Variants in TTBK1 observed in about 807,000 individuals in gnomAD.
TTBK1 encodes the protein tau-tubulin kinase 1.
TTBK1 carries 34 observed loss-of-function variants against 108.5 expected under a neutral mutation model. The observed-to-expected ratio is 0.31, with a 90% CI of 0.24 to 0.42. TTBK1 has a LOEUF of 0.42. Ranked by LOEUF, TTBK1 falls within the 10% of genes least tolerant of loss-of-function variation. The probability of loss-of-function intolerance (pLI) is 1.00; values close to 1 mark genes in which losing one functional copy is unlikely to be tolerated. For synonymous variants in TTBK1, 809 were observed against 795.1 expected (o/e 1.02, Z -0.29); for missense variants, 1,539 against 1,826.0 (o/e 0.84, Z 2.86).
intron 2 of TTBK1, chr6:43,247,933 G>C (rs1408987317): frequency 1.9e-5 from 1 of 51,914 alleles, no homozygotes; most frequent in Non-Finnish European, 3.2e-5. Flanking sequence ...ATGTCCCAGA[G>C]GGGGACTTCC....
Position 43,253,242 on chromosome 6 carries a change from A to G in TTBK1, c.257-49A>G. 2 of 1,600,740 alleles carry G rather than the reference A, an allele frequency of 1.2e-6. No individual in the cohort carries two copies. Among genetic ancestry groups the G allele is most frequent in the Non-Finnish European group, 1.7e-6 (2 of 1,168,060 alleles). On this transcript the variant is annotated intron_variant, in intron 3 of 14. Coordinates refer to ENST00000259750, the MANE Select transcript of TTBK1 (RefSeq NM_032538.3). This position sits in a 1 kb window ranked among gnomAD's most constrained non-coding sequence, Gnocchi z 5.8. ...CTAGGAACCCATCTTAGGGTTGGAAATGAGGAAGAAAGAGTAAGAGCTGGA... is the reference window on the plus strand; with the variant it reads ...CTAGGAACCCATCTTAGGGTTGGAAGTGAGGAAGAAAGAGTAAGAGCTGGA...
At chr6:43,255,225 C>A in intron 7 of TTBK1, 111 bp downstream of exon 7, 1 of 980,052 alleles carries the variant, frequency 1.0e-6, no homozygotes, top group Non-Finnish European at 1.6e-6. Flanking sequence ...GGGCTGCAAT[C>A]TGCCACCCCA....
In TTBK1 at chr6:43,243,939, T is replaced by C. The variant is rs1022768620; in HGVS notation, c.-55+231T>C. On this transcript the variant is annotated intron_variant, in intron 1 of 14. Transcript: ENST00000259750. This position sits in a 1 kb window ranked among gnomAD's most constrained non-coding sequence, Gnocchi z 5.5. Reference sequence around the variant, plus strand: ...TCCCCAACCCGTCCTCCGGGCACTTTGCTCCTCCCCACTCACCTCCGTCCC... The same window carrying C: ...TCCCCAACCCGTCCTCCGGGCACTTCGCTCCTCCCCACTCACCTCCGTCCC... 2.0e-5 allele frequency among the ~76,000 whole-genome samples: 3 copies of C among 152,118 alleles called. No individual in the cohort carries two copies. Among genetic ancestry groups the C allele is most frequent in the Admixed American group, 2.0e-4 (3 of 15,274 alleles).
At position 43,284,224 on chromosome 6, in the gene TTBK1, C is replaced by T. The variant is rs745445301; in HGVS notation, c.3484C>T (p.Leu1162Phe). The T allele has an allele frequency of 3.1e-6, 5 of 1,595,686 alleles. No homozygotes were observed. The highest frequency in any genetic ancestry group is 4.2e-6 in the Non-Finnish European group (5 of 1,178,396). ...TRSRIPRPIG[L>F]RMPMPVAAQQ... ...GAGCCGGATTCCCCGCCCCATTGGC[C>T]TCCGCATGCCCATGCCTGTTGCAGC... Residue 1162 changes from leucine (L) to phenylalanine (F), a missense_variant, in exon 14 of 15, where the codon CTC (leucine) becomes TTC (phenylalanine). Around this residue, in one of 5 missense-constraint regions of TTBK1, gnomAD observed 1,055 missense variants for 1,086.5 expected, o/e 0.97. Transcript: ENST00000259750.
intron 13 of TTBK1, among the ~76,000 whole-genome samples, chr6:43,274,289 G>A (rs1245824649): frequency 6.6e-6 from 1 of 152,162 alleles, no homozygotes; most frequent in African/African-American, 2.4e-5. Context: ...CTGCCTAGTG[G>A]GTGGGGGATG....
In TTBK1 at chr6:43,282,639, A is replaced by T; in HGVS notation, c.1987-88A>T. 1 of 1,122,844 alleles carries T rather than the reference A, an allele frequency of 8.9e-7. No individual in the cohort carries two copies. Among genetic ancestry groups the T allele is most frequent in the Non-Finnish European group, 1.3e-6 (1 of 773,990 alleles). 69.6% of individuals were successfully genotyped at this position (1,122,844 alleles called of 1,614,324 possible). On this transcript the variant is annotated intron_variant, in intron 13 of 14. Coordinates refer to ENST00000259750, the MANE Select transcript of TTBK1 (RefSeq NM_032538.3). The surrounding 1 kb of genome is among the most constrained non-coding windows in gnomAD (Gnocchi z 5.4). ...CTCTGGTAGACGACCTGGGCCTGTG[A>T]GTCTCCTAGGTTGTGGGTGCAGCTG...
intron 12 of TTBK1, among the ~76,000 whole-genome samples, chr6:43,261,001 T>A (rs1407721907): frequency 6.6e-6 from 1 of 151,964 alleles, no homozygotes; most frequent in Non-Finnish European, 1.5e-5. Context: ...GCACCCTTTC[T>A]CCCCTTTACA....
intron 10 of TTBK1, 50 bp downstream of exon 10, chr6:43,258,016 A>G (rs368039587): frequency 1.3e-6 from 2 of 1,586,642 alleles, no homozygotes; most frequent in African/African-American, 1.3e-5. Flanking sequence ...GCTGTTACCT[A>G]AGAGGGCAGG....
chr6:43,271,312 G>C, intron 13 of TTBK1: 1 of 985,520 alleles, frequency 1.0e-6, no homozygotes, highest in Non-Finnish European at 1.2e-6. Flanking sequence ...GTTTGTGCAT[G>C]TGGAAGGGCT....
intron 13 of TTBK1, chr6:43,270,724 GA>G: frequency 1.0e-6 from 1 of 985,398 alleles, no homozygotes; most frequent in Non-Finnish European, 1.2e-6. Flanking sequence ...GGATGGATGA[GA>G]GGGGCCTGGG....
rs1443194487 is a variant in TTBK1, at chr6:43,283,454, G to A, written c.2714G>A (p.Gly905Glu). 1.2e-6 allele frequency: 2 copies of A among 1,613,996 alleles called. No homozygotes were observed. Among genetic ancestry groups the A allele is most frequent in the South Asian group, 2.2e-5 (2 of 91,074 alleles). ...CCCCCGGGGCCTGGGGCAGGGCTGG[G>A]GGCCGGGACAGTGACCACAGGGGTC... ...PKPPGPGAGL[G>E]AGTVTTGVGG... The change falls in exon 14 of 15, where the codon GGG becomes GAG. Residue 905 changes from glycine to glutamate, a missense_variant. Around this residue, in one of 5 missense-constraint regions of TTBK1, gnomAD observed 1,055 missense variants for 1,086.5 expected, o/e 0.97. Coordinates refer to ENST00000259750, the MANE Select transcript of TTBK1 (RefSeq NM_032538.3). The surrounding 1 kb of genome is among the most constrained non-coding windows in gnomAD (Gnocchi z 8.1).
chr6:43,287,613 G>C lies in TTBK1; in HGVS notation c.*2237G>C, dbSNP rs1278165279. ...CACTGAATGTCACCAGGAGAGGTGG[G>C]GGAGGGAAAGTGGGCCAGTGGGGAG... On this transcript the variant is annotated 3_prime_UTR_variant, in exon 15 of 15. Transcript: ENST00000259750. The surrounding 1 kb of genome is among the most constrained non-coding windows in gnomAD (Gnocchi z 4.1). 6.6e-6 allele frequency: 1 copy of C among 152,306 alleles called. No homozygotes were observed. Among genetic ancestry groups the C allele is most frequent in the African/African-American group, 2.4e-5 (1 of 41,430 alleles). The allele number at this position is 152,306 out of a possible 1,614,324, so 9.4% of individuals were successfully genotyped here. A position where few individuals can be genotyped will look rare whatever the true frequency, so the allele number is the denominator to read the frequency against.
At chr6:43,281,982 C>T (rs1778176856) in intron 13 of TTBK1, among the ~76,000 whole-genome samples, 1 of 152,186 alleles carries the variant, frequency 6.6e-6, no homozygotes, top group Admixed American at 6.5e-5. Context: ...CTGCTTTGTC[C>T]ATCACATTGC....
Position 43,273,921 on chromosome 6 carries a change from A to C in TTBK1, c.1987-8806A>C, listed in dbSNP as rs1777895768. Among the ~76,000 whole-genome samples the C allele has an allele frequency of 6.6e-6, 1 of 152,172 alleles. No individual in the cohort carries two copies. ...TCCAGGGCTGCAGCACTCAAAGGCG[A>C]CAGTGTTCTTGCCCAGGAACTCGAA... On this transcript the variant is annotated intron_variant, in intron 13 of 14. Transcript: ENST00000259750. The surrounding 1 kb of genome is among the most constrained non-coding windows in gnomAD (Gnocchi z 4.2).
chr6:43,252,634 A>AT, intron 2 of TTBK1, 105 bp from the exon 3 acceptor site: 1 of 1,324,460 alleles, frequency 7.6e-7, no homozygotes, highest in Non-Finnish European at 1.0e-6. Flanking sequence ...AAAAAAAAAA[A>AT]GATACCCCCC....
rs370724958 is a variant in TTBK1 at position 43,259,502 on chromosome 6, C to G, written c.1249-29C>G. 1 of 1,532,650 alleles carries G rather than the reference C, an allele frequency of 6.5e-7. No individual in the cohort carries two copies. The highest frequency in any genetic ancestry group is 8.7e-7 in the Non-Finnish European group (1 of 1,143,710). The allele number at this position is 1,532,650 out of a possible 1,614,324, so 94.9% of individuals were successfully genotyped here. ...TCCGCCCACAGCCGCCTCATCAGCC[C>G]CAGCTCATGGCACTCCCCTCTCCTG... On this transcript the variant is annotated intron_variant, in intron 11 of 14. Coordinates refer to ENST00000259750, the MANE Select transcript of TTBK1 (RefSeq NM_032538.3). This position sits in a 1 kb window ranked among gnomAD's most constrained non-coding sequence, Gnocchi z 6.7.
chr6:43,246,857 C>A, intron 2 of TTBK1, 89 bp downstream of exon 2: 3 of 1,020,472 alleles, frequency 2.9e-6, no homozygotes, highest in Non-Finnish European at 4.3e-6. Flanking sequence ...CCCTCCGCTC[C>A]CCTACCCTAA....
rs1157243878 is a variant in TTBK1 at position 43,270,418 on chromosome 6, T to TGG, written c.1986+7069_1986+7070insGG. ...AGGCCAAGACCCTCCTTGCATGGTG[T>TGG]GTGTGTGTGTGTGTGTGTGTGTGTG... On this transcript the variant is annotated intron_variant, in intron 13 of 14. Coordinates refer to ENST00000259750, the MANE Select transcript of TTBK1 (RefSeq NM_032538.3). 828 of 483,116 alleles carry TGG rather than the reference T, an allele frequency of 1.7e-3. 8 individuals are homozygous for TGG. The South Asian group carries it at 0.065, about 38-fold the overall frequency. The allele number at this position is 483,116 out of a possible 1,614,324, so 29.9% of individuals were successfully genotyped here. A position where few individuals can be genotyped will look rare whatever the true frequency, so the allele number is the denominator to read the frequency against.
At chr6:43,254,402 A>T (rs752621205) in intron 5 of TTBK1, 145 bp from the exon 6 acceptor site, 11 of 557,546 alleles carry the variant, frequency 2.0e-5, no homozygotes, top group Admixed American at 3.7e-5. Flanking sequence ...CCTGATGCAC[A>T]CATGTGAATA....
Sources: gnomAD v4.1 joint callset for allele counts (sites outside exome capture counted in the v4.1 genomes callset) on GRCh38, gnomAD v4.1.1 for gene constraint, gnomAD v4.1.1 regional missense constraint, Gnocchi (gnomAD v3.1) non-coding constraint, MANE v1.5 for transcripts, NCBI Gene and HGNC (gene_info 2026-07-23, HGNC 2026-07-21) for gene names.